CEP89: variants seen among roughly 807,000 people sequenced by gnomAD.
CEP89 encodes the protein centrosomal protein 89.
In CEP89, 95 loss-of-function variants were observed where a neutral mutation model predicts 97.6. That is an observed-to-expected ratio of 0.97 (90% CI 0.82 to 1.15). The LOEUF (loss-of-function observed/expected upper bound fraction) is 1.15, where lower values mean the gene tolerates loss of function less well. CEP89 is among the 50% of genes most tolerant of loss of function. The pLI, the probability that CEP89 is intolerant of heterozygous loss-of-function variation, is 0.00. For missense variants in CEP89, 869 were observed against 947.7 expected, an observed-to-expected ratio of 0.92 and a Z score of 1.09; for synonymous variants, 354 against 349.1, an observed-to-expected ratio of 1.01 and a Z score of -0.16.
intron 5 of CEP89, among the ~76,000 whole-genome samples, chr19:32,947,862 G>A (rs1970828865): frequency 6.6e-6 from 1 of 152,082 alleles, no homozygotes. Context: ...ATGCAATGGT[G>A]CAATCATGGC....
chr19:32,934,022 C>A (rs1352221950), intron 7 of CEP89, among the ~76,000 whole-genome samples: 1 of 152,168 alleles, frequency 6.6e-6, no homozygotes, highest in Non-Finnish European at 1.5e-5. Context: ...CTCAGGCCAG[C>A]AGGGAAGAAG....
In CEP89 at chr19:32,937,655, A is replaced by G; in HGVS notation, c.643T>C (p.Cys215Arg). The G allele has an allele frequency of 1.9e-6, 3 of 1,606,682 alleles. No homozygotes were observed. Among genetic ancestry groups the G allele is most frequent in the Non-Finnish European group, 1.7e-6 (2 of 1,175,078 alleles). The part of the protein sequence containing the change: ...LNLKDEKPPL[C>R]EKPPPSPDIT... ...CCTGGGGAGGGTGGAGGTTTCTCAC[A>G]TAATGGAGGTTTTTCATCCTAGGAA... The change falls in exon 7 of 19, where the codon TGT becomes CGT. Residue 215 changes from cysteine (C) to arginine (R), a missense_variant. Transcript: ENST00000305768.
intron 3 of CEP89, among the ~76,000 whole-genome samples, chr19:32,956,802 A>G (rs1208841014): frequency 6.6e-6 from 1 of 152,226 alleles, no homozygotes; most frequent in Non-Finnish European, 1.5e-5. Flanking sequence ...AGCGATTAAA[A>G]AGGTTTTTTT....
intron 17 of CEP89, among the ~76,000 whole-genome samples, chr19:32,884,557 CTACCATTTAAAAAAA>C (rs1282245130): frequency 6.6e-6 from 1 of 151,914 alleles, no homozygotes; most frequent in East Asian, 1.9e-4. Flanking sequence ...TGTTATAATT[CTACCATTTAAAAAAA>C]TTAAAACAAT....
chr19:32,880,494 G>C (rs866313859), intron 18 of CEP89, among the ~76,000 whole-genome samples: 1 of 151,922 alleles, frequency 6.6e-6, no homozygotes, highest in South Asian at 2.1e-4. Flanking sequence ...AATTAGCTGG[G>C]CCCACGTGGT....
At chr19:32,911,839 A>G (rs1371253296) in intron 14 of CEP89, among the ~76,000 whole-genome samples, 1 of 152,202 alleles carries the variant, frequency 6.6e-6, no homozygotes, top group African/African-American at 2.4e-5. Flanking sequence ...AGAAGTCAAT[A>G]GGTATTCAGT....
intron 9 of CEP89, 163 bp downstream of exon 9, chr19:32,931,266 G>A (rs947948681): frequency 6.7e-6 from 4 of 592,950 alleles, no homozygotes; most frequent in Non-Finnish European, 8.5e-6. Context: ...AAGAAGGAAG[G>A]GAAGGAGGCA....
At chr19:32,927,903 CTTTTT>C (rs60706354) in intron 9 of CEP89, among the ~76,000 whole-genome samples, 1 of 116,348 alleles carries the variant, frequency 8.6e-6, no homozygotes, top group African/African-American at 3.3e-5. Context: ...GCACACTTGG[CTTTTT>C]TTTTTTTTTT....
chr19:32,887,426 C>A (rs1969422727), intron 17 of CEP89, among the ~76,000 whole-genome samples: 1 of 151,948 alleles, frequency 6.6e-6, no homozygotes, highest in African/African-American at 2.4e-5. Flanking sequence ...TGCTATGTTA[C>A]CAGACTGGTC....
At position 32,887,918 on chromosome 19, in the gene CEP89, G is replaced by A. The variant is rs998491337; in HGVS notation, c.1876-77C>T. On this transcript the variant is annotated intron_variant, in intron 16 of 18. Coordinates refer to ENST00000305768, the MANE Select transcript of CEP89 (RefSeq NM_032816.5). ...AACAAACAATTATTTTGCAAAGAGT[G>A]TTACTGCTACTGCTCACAATCTTCA... is the stretch of plus-strand genomic sequence containing the variant. The A allele has an allele frequency of 4.8e-6, 4 of 834,436 alleles. No homozygotes were observed. In the African/African-American group the frequency reaches 5.0e-5, roughly 11 times the overall value. 51.7% of individuals were successfully genotyped at this position (834,436 alleles called of 1,614,324 possible).
intron 12 of CEP89, among the ~76,000 whole-genome samples, chr19:32,922,916 G>A (rs1178264697): frequency 1.3e-5 from 2 of 152,056 alleles, no homozygotes; most frequent in Admixed American, 6.6e-5. Context: ...CAGTGCTATA[G>A]ACAAGTGCCA....
chr19:32,960,372 T>C (rs759355702), intron 2 of CEP89, among the ~76,000 whole-genome samples: 12 of 152,042 alleles, frequency 7.9e-5, no homozygotes, highest in Non-Finnish European at 1.8e-4. Context: ...AGTTTTCTTA[T>C]TAGAATGGAA....
intron 1 of CEP89, chr19:32,971,238 A>G (rs1971399437): frequency 5.7e-6 from 2 of 351,696 alleles, no homozygotes; most frequent in East Asian, 4.3e-5. Context: ...TGGGGTGTAC[A>G]TGGTGGGTGG....
Position 32,878,974 on chromosome 19 carries a change from A to AAAT in CEP89, c.*187_*188insATT, listed in dbSNP as rs1555786909. On this transcript the variant is annotated 3_prime_UTR_variant, in exon 19 of 19. Transcript: ENST00000305768. Reference sequence around the variant, plus strand: ...GAGACCCTAGCTCTAAAAAAAAAAAAAAATTAAAAAATAAAGCAAAATGTT... The same window carrying AAAT: ...GAGACCCTAGCTCTAAAAAAAAAAAAAATAAATTAAAAAATAAAGCAAAATGTT... 25 of 466,162 alleles carry AAAT rather than the reference A, an allele frequency of 5.4e-5. 1 individual carries two copies. Among genetic ancestry groups the AAAT allele is most frequent in the African/African-American group, 1.2e-4 (6 of 49,426 alleles). The allele number at this position is 466,162 out of a possible 1,614,324, so 28.9% of individuals were successfully genotyped here.
At chr19:32,943,226 G>A (rs1275153528) in intron 5 of CEP89, among the ~76,000 whole-genome samples, 2 of 152,124 alleles carry the variant, frequency 1.3e-5, no homozygotes, top group African/African-American at 4.8e-5. Flanking sequence ...CAAATTCCTG[G>A]GCTCGAGCAA....
In CEP89 at chr19:32,879,359, C is replaced by G. The variant is rs538419129; in HGVS notation, c.2155G>C (p.Glu719Gln). The change falls in exon 19 of 19, where the codon GAA becomes CAA. Residue 719 changes from glutamate (E) to glutamine (Q), a missense_variant. Glu to Gln is a conservative substitution (Grantham distance 29). Transcript: ENST00000305768. ...QQNREMEGEL[E>Q]VIWESTFREN... Reference sequence around the variant, plus strand: ...CTGAAGGTAGATTCCCAAATAACTTCAAGTTCACCTTCCATTTCTCTGAGG... The same window carrying G: ...CTGAAGGTAGATTCCCAAATAACTTGAAGTTCACCTTCCATTTCTCTGAGG... 4 of 1,614,084 alleles carry G rather than the reference C, an allele frequency of 2.5e-6. No homozygotes were observed. The South Asian group carries it at 4.4e-5, about 18-fold the overall frequency.
chr19:32,922,323 CTG>C (rs1350786236), intron 12 of CEP89, among the ~76,000 whole-genome samples: 2 of 152,066 alleles, frequency 1.3e-5, no homozygotes, highest in African/African-American at 2.4e-5. Flanking sequence ...GGGAGGATCA[CTG>C]GAGCCCAAGA....
At chr19:32,957,616 C>G (rs1011532526) in intron 3 of CEP89, among the ~76,000 whole-genome samples, 1 of 152,126 alleles carries the variant, frequency 6.6e-6, no homozygotes, top group African/African-American at 2.4e-5. Context: ...TTGAGACCAG[C>G]CTGGCCAACA....
intron 6 of CEP89, among the ~76,000 whole-genome samples, chr19:32,939,003 T>A (rs530196641): frequency 6.6e-6 from 1 of 152,038 alleles, no homozygotes; most frequent in Admixed American, 6.6e-5. Flanking sequence ...CCCAATGCCC[T>A]TGGGAGGCCA....
Sources: allele counts gnomAD v4.1 joint callset (sites outside exome capture counted in the v4.1 genomes callset), GRCh38; gene constraint gnomAD v4.1.1; transcripts MANE v1.5; gene names NCBI Gene and HGNC (gene_info 2026-07-23, HGNC 2026-07-21).